UNC13C: variants seen among roughly 807,000 people sequenced by gnomAD.
UNC13C encodes the protein protein unc-13 homolog C.
UNC13C carries 174 observed loss-of-function variants against 245.4 expected under a neutral mutation model. The ratio of observed to expected loss-of-function variants is 0.71; its 90% CI spans 0.63 to 0.80. The LOEUF (loss-of-function observed/expected upper bound fraction) is 0.80. Among genes scored for constraint, UNC13C ranks in the 30% least tolerant of loss-of-function variants. The pLI is 0.00. For missense variants in UNC13C, 2,829 were observed against 2,602.9 expected (o/e 1.09, Z -1.89); for synonymous variants, 992 against 895.1 (o/e 1.11, Z -1.93).
intron 13 of UNC13C, chr15:54,321,485 A>G (rs1434456865): frequency 6.2e-6 from 3 of 480,646 alleles, no homozygotes; most frequent in Non-Finnish European, 1.2e-5. Flanking sequence ...CACCTCCTCC[A>G]CAGTGGCATA....
the UNC13C span, among the ~76,000 whole-genome samples, chr15:53,927,491 G>A: frequency 1.3e-5 from 2 of 152,316 alleles, no homozygotes; most frequent in Admixed American, 1.3e-4. Flanking sequence ...TAGAGTGTAA[G>A]GGAGAAGGAG....
chr15:54,313,903 A>G (rs1187216124), intron 13 of UNC13C, among the ~76,000 whole-genome samples: 1 of 151,766 alleles, frequency 6.6e-6, no homozygotes, highest in Admixed American at 6.6e-5. Flanking sequence ...GGGTGAATGT[A>G]TTGAGAAAAT....
At chr15:54,566,115 C>A (rs10152384) in intron 29 of UNC13C, among the ~76,000 whole-genome samples, 29 of 152,070 alleles carry the variant, frequency 1.9e-4, no homozygotes, top group African/African-American at 7.0e-4. Context: ...TACTCTCAGG[C>A]ACAGTTATTT....
At chr15:54,546,599 GAGAT>G (rs1896490820) in intron 26 of UNC13C, 119 bp from the exon 27 acceptor site, 1 of 511,052 alleles carries the variant, frequency 2.0e-6, no homozygotes, top group African/African-American at 2.1e-5. Flanking sequence ...ATAGTTTTTT[GAGAT>G]TATACATTTT....
At chr15:54,312,665 A>G (rs1306211943) in intron 13 of UNC13C, among the ~76,000 whole-genome samples, 1 of 151,730 alleles carries the variant, frequency 6.6e-6, no homozygotes, top group East Asian at 1.9e-4. Flanking sequence ...TTTAATGGAT[A>G]TAGAGTGAGA....
At chr15:54,202,450 AG>A (rs890230428) in intron 4 of UNC13C, among the ~76,000 whole-genome samples, 24 of 151,982 alleles carry the variant, frequency 1.6e-4, no homozygotes, top group African/African-American at 5.8e-4. Context: ...AAAATAGCAT[AG>A]TACTGGTATA....
chr15:53,894,459 T>C, the UNC13C span, among the ~76,000 whole-genome samples: 1 of 152,088 alleles, frequency 6.6e-6, no homozygotes, highest in Non-Finnish European at 1.5e-5. Flanking sequence ...AAAGTGAAAA[T>C]CAAGTATCAA....
chr15:54,479,169 G>A (rs570169622), intron 19 of UNC13C, among the ~76,000 whole-genome samples: 6 of 152,032 alleles, frequency 3.9e-5, no homozygotes, highest in Non-Finnish European at 7.4e-5. Flanking sequence ...CAATAATCAC[G>A]GGGATTATTG....
At chr15:54,186,068 G>C (rs576688779) in intron 4 of UNC13C, among the ~76,000 whole-genome samples, 3 of 151,668 alleles carry the variant, frequency 2.0e-5, no homozygotes, top group African/African-American at 7.3e-5. Flanking sequence ...TTGGCTCTCT[G>C]TTTGTCTGTT....
At chr15:54,453,895 C>T (rs994553842) in intron 19 of UNC13C, among the ~76,000 whole-genome samples, 3 of 152,058 alleles carry the variant, frequency 2.0e-5, no homozygotes, top group African/African-American at 2.4e-5. Context: ...TGTTGTGCAA[C>T]GAGCACCCCA....
intron 7 of UNC13C, among the ~76,000 whole-genome samples, chr15:54,244,765 C>G (rs1380843514): frequency 2.6e-5 from 4 of 152,112 alleles, no homozygotes; most frequent in Non-Finnish European, 5.9e-5. Flanking sequence ...CAATTTGGCT[C>G]TCTGCCTACC....
At chr15:54,449,544 C>A (rs1402762763) in intron 19 of UNC13C, among the ~76,000 whole-genome samples, 3 of 152,094 alleles carry the variant, frequency 2.0e-5, no homozygotes, top group African/African-American at 7.2e-5. Context: ...ATCACTGATA[C>A]CCTTTCTTCC....
intron 17 of UNC13C, among the ~76,000 whole-genome samples, chr15:54,340,462 A>G (rs2038702144): frequency 6.6e-6 from 1 of 152,192 alleles, no homozygotes; most frequent in South Asian, 2.1e-4. Context: ...AGATTTTTGT[A>G]TAAGATGAGA....
chr15:54,190,544 T>C (rs1406974979), intron 4 of UNC13C, among the ~76,000 whole-genome samples: 1 of 152,070 alleles, frequency 6.6e-6, no homozygotes, highest in Non-Finnish European at 1.5e-5. Context: ...TTTTCAGTTT[T>C]TAACATAACA....
chr15:54,014,152 A>T lies in UNC13C; in HGVS notation c.1249A>T (p.Lys417Ter). Residue 417 changes from lysine (K) to a stop codon, truncating the protein, a stop_gained, in exon 2 of 33, where the codon AAA becomes TAA. Transcript: ENST00000260323. LOFTEE classifies it high-confidence loss of function. ...TCTAACTCATGACATCAGAGAAAGA[A>T]AAGAGAAAGGGATACCATCCTCCCA... is the stretch of plus-strand genomic sequence containing the variant. ...DILTHDIRER[K>*]EKGIPSSQTY... The T allele has an allele frequency of 6.2e-7, 1 of 1,613,838 alleles. No homozygotes were observed.
chr15:54,186,020 C>T (rs2033969740), intron 4 of UNC13C, among the ~76,000 whole-genome samples: 3 of 146,446 alleles, frequency 2.0e-5, no homozygotes, highest in African/African-American at 7.7e-5. Flanking sequence ...GTATTTTATT[C>T]TCTTTGAAGC....
At chr15:54,533,238 T>C (rs764003254) in intron 26 of UNC13C, among the ~76,000 whole-genome samples, 172 bp downstream of exon 26, 10 of 152,110 alleles carry the variant, frequency 6.6e-5, no homozygotes, top group Non-Finnish European at 1.5e-4. Flanking sequence ...ATACCTTTAA[T>C]TGATTACTAG....
At chr15:54,538,133 C>CAAAAAAAAAAAA (rs56041311) in intron 26 of UNC13C, among the ~76,000 whole-genome samples, 8 of 10,238 alleles carry the variant, frequency 7.8e-4, no homozygotes, top group Non-Finnish European at 1.5e-3. Context: ...CATTAACAAG[C>CAAAAAAAAAAAA]AAAAAAAAAA....
intron 19 of UNC13C, among the ~76,000 whole-genome samples, chr15:54,458,041 T>G (rs1364436238): frequency 6.6e-6 from 1 of 152,032 alleles, no homozygotes; most frequent in Non-Finnish European, 1.5e-5. Flanking sequence ...AACGTTCCTT[T>G]AAGCACCACT....
Sources: gnomAD v4.1 joint callset for allele counts (sites outside exome capture counted in the v4.1 genomes callset) on GRCh38, gnomAD v4.1.1 for gene constraint, MANE v1.5 for transcripts, NCBI Gene and HGNC (gene_info 2026-07-23, HGNC 2026-07-21) for gene names.